The following CHN2 variants were observed in gnomAD, a reference collection of about 807,000 sequenced individuals.
The protein encoded by CHN2 is chimerin 2.
In CHN2, 35 loss-of-function variants were observed where a neutral mutation model predicts 56.3. The ratio of observed to expected loss-of-function variants is 0.62; its 90% CI spans 0.47 to 0.82. CHN2 has a LOEUF of 0.82. Ranked by LOEUF, CHN2 falls within the 40% of genes least tolerant of loss-of-function variation. The pLI, the probability that CHN2 is intolerant of heterozygous loss-of-function variation, is 0.00. For missense variants in CHN2, 491 were observed against 580.5 expected (o/e 0.85, Z 1.58); for synonymous variants, 210 against 212.8 (o/e 0.99, Z 0.12).
intron 4 of CHN2, among the ~76,000 whole-genome samples, chr7:29,393,952 C>G (rs571204366): frequency 6.6e-6 from 1 of 152,260 alleles, no homozygotes; most frequent in South Asian, 2.1e-4. Flanking sequence ...AAAAGAGCTA[C>G]TGAGTGCCTG....
chr7:29,454,421 A>G (rs1173236544), intron 6 of CHN2, among the ~76,000 whole-genome samples: 2 of 152,184 alleles, frequency 1.3e-5, no homozygotes, highest in Non-Finnish European at 2.9e-5. Context: ...ATGGAGTTTG[A>G]GATTTTTTGT....
intron 1 of CHN2, among the ~76,000 whole-genome samples, chr7:29,326,110 C>T (rs928835194): frequency 2.0e-5 from 3 of 150,744 alleles, no homozygotes; most frequent in African/African-American, 4.9e-5. Context: ...TTTGGGTCTT[C>T]GTCGATTTTA....
chr7:29,195,093 C>T lies in CHN2; in HGVS notation c.49+103C>T, dbSNP rs965896845. 3.1e-6 allele frequency: 4 copies of T among 1,299,518 alleles called. No homozygotes were observed. The African/African-American group carries it at 6.1e-5, about 20-fold the overall frequency. The allele number at this position is 1,299,518 out of a possible 1,614,324, so 80.5% of individuals were successfully genotyped here. A position where few individuals can be genotyped will look rare whatever the true frequency, so the allele number is the denominator to read the frequency against. On this transcript the variant is annotated intron_variant, in intron 1 of 12. Transcript: ENST00000222792. ...AGAGCCTACCTGTGGCCATCCCGCCCGCTCTCTCGGAATGGGGGCAGGCGT... is the reference window on the plus strand; with the variant it reads ...AGAGCCTACCTGTGGCCATCCCGCCTGCTCTCTCGGAATGGGGGCAGGCGT...
At chr7:29,323,920 C>G (rs1274823942) in intron 1 of CHN2, among the ~76,000 whole-genome samples, 5 of 151,928 alleles carry the variant, frequency 3.3e-5, no homozygotes. Context: ...AGGAGAATGG[C>G]GTGAACCCGG....
intron 6 of CHN2, among the ~76,000 whole-genome samples, chr7:29,418,996 AG>A (rs749583827): frequency 2.6e-4 from 39 of 152,192 alleles, no homozygotes; most frequent in Non-Finnish European, 4.7e-4. Context: ...TTGAAGGGCC[AG>A]TCAGGATGAC....
intron 1 of CHN2, among the ~76,000 whole-genome samples, chr7:29,242,048 G>A (rs1351059650): frequency 1.3e-5 from 2 of 152,042 alleles, no homozygotes; most frequent in East Asian, 3.8e-4. Context: ...TGTCCCAAGG[G>A]CTCTATACAC....
rs189130635 is a variant in CHN2 at position 29,408,267 on chromosome 7, A to C, written c.576+7439A>C. Among the ~76,000 whole-genome samples the C allele has an allele frequency of 3.3e-5, 5 of 151,920 alleles. No homozygotes were observed. The East Asian group carries it at 9.6e-4, about 29-fold the overall frequency. On this transcript the variant is annotated intron_variant, in intron 6 of 12. Coordinates refer to ENST00000222792, the MANE Select transcript of CHN2 (RefSeq NM_004067.4). Reference sequence around the variant, plus strand: ...TGACCCCACCTGCCTATGGAATCAAAGTCTTCACTGGTGAAAGGCACCTGT... The same window carrying C: ...TGACCCCACCTGCCTATGGAATCAACGTCTTCACTGGTGAAAGGCACCTGT...
chr7:29,272,648 T>C (rs772073665), intron 1 of CHN2, among the ~76,000 whole-genome samples: 6 of 152,172 alleles, frequency 3.9e-5, no homozygotes, highest in Admixed American at 6.5e-5. Flanking sequence ...CAGGACATCT[T>C]TATTCTCTTA....
At chr7:29,151,313 CT>C (rs1324824517) in intron 2 of CHN2, among the ~76,000 whole-genome samples, 5 of 152,196 alleles carry the variant, frequency 3.3e-5, no homozygotes, top group Admixed American at 1.3e-4. Flanking sequence ...TAATCTACGT[CT>C]TTTGTAAGTG....
At chr7:29,411,518 C>T (rs1396185658) in intron 6 of CHN2, among the ~76,000 whole-genome samples, 1 of 152,078 alleles carries the variant, frequency 6.6e-6, no homozygotes, top group Non-Finnish European at 1.5e-5. Flanking sequence ...CCCACTAATC[C>T]CAGAGGTGGA....
chr7:29,440,502 C>A (rs966193791), intron 6 of CHN2, among the ~76,000 whole-genome samples: 2 of 151,770 alleles, frequency 1.3e-5, no homozygotes, highest in African/African-American at 4.8e-5. Flanking sequence ...ACAAGCCTGA[C>A]CAACATGGCG....
Position 29,513,747 on chromosome 7 carries a change from C to CAAACCTATTTTTTAAA in CHN2, c.*1013_*1028dup, listed in dbSNP as rs765068882. On this transcript the variant is annotated 3_prime_UTR_variant, in exon 13 of 13. Coordinates refer to ENST00000222792, the MANE Select transcript of CHN2 (RefSeq NM_004067.4). ...GTCAACGTTTTTCATTCTTGTTTTA[C>CAAACCTATTTTTTAAA]AAACCTATTTTTTAAAGTGAGAATA... The CAAACCTATTTTTTAAA allele has an allele frequency of 3.1e-4, 47 of 152,614 alleles. No homozygotes were observed. Among genetic ancestry groups the CAAACCTATTTTTTAAA allele is most frequent in the Non-Finnish European group, 5.4e-4 (37 of 68,022 alleles). The allele number at this position is 152,614 out of a possible 1,614,324, so 9.5% of individuals were successfully genotyped here.
intron 6 of CHN2, among the ~76,000 whole-genome samples, chr7:29,453,356 G>T (rs1201663253): frequency 6.6e-6 from 1 of 152,118 alleles, no homozygotes; most frequent in Non-Finnish European, 1.5e-5. Context: ...TTTGTTAGTG[G>T]GGAGATAATG....
intron 1 of CHN2, among the ~76,000 whole-genome samples, chr7:29,297,164 TC>T (rs1213141761): frequency 1.3e-5 from 2 of 152,190 alleles, no homozygotes; most frequent in African/African-American, 4.8e-5. Flanking sequence ...GGAGCAAGAC[TC>T]CTGCTAGTCG....
At chr7:29,480,642 A>G (rs1024074096) in intron 7 of CHN2, among the ~76,000 whole-genome samples, 1 of 152,216 alleles carries the variant, frequency 6.6e-6, no homozygotes, top group African/African-American at 2.4e-5. Context: ...CAGTGAAATA[A>G]ACACAGAGCA....
intron 8 of CHN2, among the ~76,000 whole-genome samples, chr7:29,498,404 G>C (rs1312230506): frequency 2.0e-5 from 3 of 152,140 alleles, no homozygotes; most frequent in African/African-American, 7.2e-5. Context: ...GAAGTCACTT[G>C]AGCTTTGTTG....
At chr7:29,201,033 T>C (rs1384723989) in intron 1 of CHN2, among the ~76,000 whole-genome samples, 1 of 152,250 alleles carries the variant, frequency 6.6e-6, no homozygotes, top group East Asian at 1.9e-4. Context: ...ATATAGTCTC[T>C]ATAGTTTGGA....
At chr7:29,236,838 A>G (rs976626607) in intron 1 of CHN2, among the ~76,000 whole-genome samples, 1 of 151,820 alleles carries the variant, frequency 6.6e-6, no homozygotes, top group Non-Finnish European at 1.5e-5. Context: ...CATCACCCTC[A>G]CCTCTGCTTC....
upstream of CHN2, among the ~76,000 whole-genome samples, chr7:29,190,772 C>A (rs1017994426): frequency 6.6e-6 from 1 of 152,112 alleles, no homozygotes; most frequent in Non-Finnish European, 1.5e-5. Context: ...CAGCTACTAA[C>A]GTGGAAAGGA....
Sources: allele counts gnomAD v4.1 joint callset (sites outside exome capture counted in the v4.1 genomes callset), GRCh38; gene constraint gnomAD v4.1.1; transcripts MANE v1.5; gene names NCBI Gene and HGNC (gene_info 2026-07-23, HGNC 2026-07-21).